Variants in INPP4B observed in about 807,000 individuals in gnomAD.
The protein encoded by INPP4B is inositol polyphosphate 4-phosphatase type II.
Under a neutral mutation model 122.5 loss-of-function variants are expected in INPP4B, and 55 were observed. The observed-to-expected ratio is 0.45, with a 90% CI of 0.36 to 0.56. The LOEUF (loss-of-function observed/expected upper bound fraction) is 0.56, where lower values mean the gene tolerates loss of function less well. Among genes scored for constraint, INPP4B ranks in the 20% least tolerant of loss-of-function variants. The pLI is 0.00. For synonymous variants in INPP4B, 403 were observed against 388.7 expected (o/e 1.04, Z -0.43); for missense variants, 1,000 against 1,097.7 (o/e 0.91, Z 1.26).
chr4:142,127,309 TAA>T (rs1799064343), intron 18 of INPP4B, among the ~76,000 whole-genome samples: 1 of 152,166 alleles, frequency 6.6e-6, no homozygotes, highest in Non-Finnish European at 1.5e-5. Flanking sequence ...TGCAAGACAT[TAA>T]GTGACAATTC....
intron 1 of INPP4B, among the ~76,000 whole-genome samples, chr4:142,842,726 T>TTATAATATTAATATAATATATAATATATC (rs1783679052): frequency 7.6e-6 from 1 of 131,414 alleles, no homozygotes; most frequent in African/African-American, 2.9e-5. Context: ...TATTAATATA[T>TTATAATATTAATATAATATATAATATATC]TATAATATTA....
intron 2 of INPP4B, among the ~76,000 whole-genome samples, chr4:142,712,192 G>T (rs763149803): frequency 6.6e-6 from 1 of 152,138 alleles, no homozygotes; most frequent in Non-Finnish European, 1.5e-5. Context: ...GGACTTCCCA[G>T]CTTCTAGAAT....
At chr4:142,820,938 T>C (rs1050817386) in intron 1 of INPP4B, among the ~76,000 whole-genome samples, 3 of 152,156 alleles carry the variant, frequency 2.0e-5, no homozygotes, top group Non-Finnish European at 4.4e-5. Context: ...ATTTCAATGC[T>C]TTGTCTTATA....
At chr4:142,778,289 C>T (rs1774248406) in intron 1 of INPP4B, among the ~76,000 whole-genome samples, 1 of 152,004 alleles carries the variant, frequency 6.6e-6, no homozygotes, top group Admixed American at 6.6e-5. Context: ...CCTCAAGCAC[C>T]CATCCTTCCT....
At chr4:142,367,838 C>T (rs1327860246) in intron 7 of INPP4B, among the ~76,000 whole-genome samples, 1 of 152,100 alleles carries the variant, frequency 6.6e-6, no homozygotes, top group African/African-American at 2.4e-5. Context: ...CTAATATGCT[C>T]CCTGGGCTGG....
intron 7 of INPP4B, among the ~76,000 whole-genome samples, chr4:142,322,403 C>T (rs2635429): frequency 0.3 from 45,530 of 151,998 alleles, 8,367 homozygotes; most frequent in South Asian, 0.44. Flanking sequence ...AGTATCATAA[C>T]GGTAGTGTTA....
chr4:142,145,722 G>T, intron 18 of INPP4B, 118 bp downstream of exon 18: 1 of 936,460 alleles, frequency 1.1e-6, no homozygotes, highest in Non-Finnish European at 1.6e-6. Context: ...GGAAAAGCAT[G>T]CTATCAGCAC....
At chr4:142,517,935 T>G (rs1161108071) in intron 2 of INPP4B, among the ~76,000 whole-genome samples, 1 of 152,212 alleles carries the variant, frequency 6.6e-6, no homozygotes, top group Non-Finnish European at 1.5e-5. Context: ...TATAGTGAAA[T>G]GTATGTAGAG....
chr4:142,165,016 T>C (rs943259356), intron 16 of INPP4B, among the ~76,000 whole-genome samples: 1 of 151,732 alleles, frequency 6.6e-6, no homozygotes, highest in Non-Finnish European at 1.5e-5. Context: ...CTCAAAAGCA[T>C]TTTTTTCATT....
intron 2 of INPP4B, among the ~76,000 whole-genome samples, chr4:142,533,477 T>TA (rs1223409808): frequency 6.6e-6 from 1 of 151,438 alleles, no homozygotes; most frequent in Non-Finnish European, 1.5e-5. Flanking sequence ...ATTTTTTTTT[T>TA]AAAAATAATG....
At chr4:142,317,283 G>T in intron 7 of INPP4B, 1 of 368,336 alleles carries the variant, frequency 2.7e-6, no homozygotes, top group South Asian at 2.5e-5. Flanking sequence ...AACCGCAGAG[G>T]AGCCCCTCGA....
At chr4:142,723,989 C>G (rs779214809) in intron 2 of INPP4B, among the ~76,000 whole-genome samples, 2 of 152,122 alleles carry the variant, frequency 1.3e-5, no homozygotes, top group Non-Finnish European at 2.9e-5. Flanking sequence ...CTTCCAACCT[C>G]CACAGCAACA....
intron 7 of INPP4B, among the ~76,000 whole-genome samples, chr4:142,357,349 G>C (rs926840524): frequency 5.9e-5 from 9 of 152,008 alleles, no homozygotes; most frequent in African/African-American, 1.7e-4. Context: ...GTTAGTCTTA[G>C]AATTAAATTG....
intron 23 of INPP4B, among the ~76,000 whole-genome samples, chr4:142,086,638 A>G (rs1296025494): frequency 6.6e-6 from 1 of 152,218 alleles, no homozygotes; most frequent in Non-Finnish European, 1.5e-5. Flanking sequence ...TACAGGCATG[A>G]GCCACTGCAC....
chr4:142,214,096 T>C (rs1207282794), intron 12 of INPP4B, among the ~76,000 whole-genome samples: 1 of 152,158 alleles, frequency 6.6e-6, no homozygotes, highest in Non-Finnish European at 1.5e-5. Flanking sequence ...TACAGTGGGG[T>C]AAATCAATAC....
intron 10 of INPP4B, 148 bp from the exon 11 acceptor site, chr4:142,260,712 C>G (rs1739535679): frequency 4.9e-6 from 3 of 608,676 alleles, no homozygotes; most frequent in Non-Finnish European, 8.7e-6. Flanking sequence ...CTAGCTCTAT[C>G]TTTACTACAA....
intron 2 of INPP4B, among the ~76,000 whole-genome samples, chr4:142,608,736 T>C (rs1741849470): frequency 6.6e-6 from 1 of 152,208 alleles, no homozygotes; most frequent in Admixed American, 6.6e-5. Flanking sequence ...AACCAAAATC[T>C]CAACAGAGTC....
rs558674306 is a variant in INPP4B, at chr4:142,657,046, C to G, written c.-191+68793G>C. 2.0e-5 allele frequency among the ~76,000 whole-genome samples: 3 copies of G among 152,266 alleles called. No individual in the cohort carries two copies. In the East Asian group the frequency reaches 5.8e-4, roughly 29 times the overall value. On this transcript the variant is annotated intron_variant, in intron 2 of 25. Transcript: ENST00000262992. ...AATCCTGTCTGAGGGGATGAGCCCTCTCAGATTAGACATCTGCATGTTTTC... is the reference window on the plus strand; with the variant it reads ...AATCCTGTCTGAGGGGATGAGCCCTGTCAGATTAGACATCTGCATGTTTTC...
At chr4:142,803,634 G>C (rs1778300098) in intron 1 of INPP4B, among the ~76,000 whole-genome samples, 1 of 141,116 alleles carries the variant, frequency 7.1e-6, no homozygotes, top group Non-Finnish European at 1.5e-5. Flanking sequence ...CTTCCCAGGG[G>C]AATTCAATAA....
Sources: gnomAD v4.1 joint callset for allele counts (sites outside exome capture counted in the v4.1 genomes callset) on GRCh38, gnomAD v4.1.1 for gene constraint, MANE v1.5 for transcripts, NCBI Gene and HGNC (gene_info 2026-07-23, HGNC 2026-07-21) for gene names.